The following STK3 variants were observed in gnomAD, a reference collection of about 807,000 sequenced individuals.
The protein encoded by STK3 is serine/threonine-protein kinase 3.
Under a neutral mutation model 58.0 loss-of-function variants are expected in STK3, and 41 were observed. That is an observed-to-expected ratio of 0.71 (90% CI 0.55 to 0.92). The LOEUF (loss-of-function observed/expected upper bound fraction) is 0.92. Ranked by LOEUF, STK3 falls within the 40% of genes least tolerant of loss-of-function variation. The pLI, the probability that STK3 is intolerant of heterozygous loss-of-function variation, is 0.00. For synonymous variants in STK3, 170 were observed against 191.0 expected (o/e 0.89, Z 0.91); for missense variants, 479 against 602.7 (o/e 0.79, Z 2.15).
At chr8:98,690,410 G>C (rs1046355512) in intron 6 of STK3, among the ~76,000 whole-genome samples, 1 of 142,500 alleles carries the variant, frequency 7.0e-6, no homozygotes, top group African/African-American at 2.6e-5. Context: ...TTCAAGCTGA[G>C]AGCCAAGTCA....
At chr8:98,813,331 C>T (rs183337930) in intron 1 of STK3, among the ~76,000 whole-genome samples, 1 of 152,288 alleles carries the variant, frequency 6.6e-6, no homozygotes, top group East Asian at 1.9e-4. Context: ...CACTTTCTAT[C>T]ATTGTTTTGA....
chr8:98,833,217 G>A (rs1366466230), intron 3 of STK3, among the ~76,000 whole-genome samples: 1 of 152,194 alleles, frequency 6.6e-6, no homozygotes, highest in Non-Finnish European at 1.5e-5. Context: ...GGGGGGTGCA[G>A]GGGGAGGGTT....
chr8:98,651,651 C>T (rs1012372613), intron 6 of STK3: 1 of 152,152 alleles, frequency 6.6e-6, no homozygotes, highest in East Asian at 1.9e-4. Context: ...CTTAAAGGAG[C>T]TGATGGAGCT....
At chr8:98,487,245 A>T (rs1487280887) in intron 10 of STK3, among the ~76,000 whole-genome samples, 1 of 152,204 alleles carries the variant, frequency 6.6e-6, no homozygotes, top group Non-Finnish European at 1.5e-5. Flanking sequence ...ACACAGTATA[A>T]AGGAAGGAGA....
intron 1 of STK3, among the ~76,000 whole-genome samples, chr8:98,888,740 A>G (rs1838086485): frequency 6.6e-6 from 1 of 152,246 alleles, no homozygotes; most frequent in East Asian, 1.9e-4. Flanking sequence ...CAAATTAACT[A>G]GAATGTCTCC....
chr8:98,365,456 G>A, the STK3 span, among the ~76,000 whole-genome samples: 1 of 152,164 alleles, frequency 6.6e-6, no homozygotes, highest in East Asian at 1.9e-4. Flanking sequence ...AGAAGAGAGT[G>A]AGACAGAGTG....
At chr8:98,605,308 T>C (rs535010494) in intron 6 of STK3, among the ~76,000 whole-genome samples, 3 of 152,084 alleles carry the variant, frequency 2.0e-5, no homozygotes, top group Non-Finnish European at 2.9e-5. Context: ...GGGTAATTTA[T>C]AAAGAAAAGA....
At position 98,395,684 on chromosome 8, in the gene STK3, A is replaced by G. The variant is rs1221935246; in HGVS notation, n.428-7437T>C. 2.6e-5 allele frequency among the ~76,000 whole-genome samples: 4 copies of G among 152,254 alleles called. No homozygotes were observed. In the East Asian group the frequency reaches 7.7e-4, roughly 29 times the overall value. ...GTTGTTGTTGGATTTGTGGATTCTC[A>G]AAATGCAAATATTTCTATATGCAAA... On this transcript the variant is annotated intron_variant and non_coding_transcript_variant, in intron 3 of 5. Coordinates refer to the STK3 transcript ENST00000649151.
At position 98,429,717 on chromosome 8, in the gene STK3, G is replaced by A. The variant is rs550880840; in HGVS notation, n.483+4410C>T. 13 of 348,786 alleles carry A rather than the reference G, an allele frequency of 3.7e-5. No individual in the cohort carries two copies. In the South Asian group the frequency reaches 7.4e-4, roughly 20 times the overall value. The allele number at this position is 348,786 out of a possible 1,614,324, so 21.6% of individuals were successfully genotyped here. A position where few individuals can be genotyped will look rare whatever the true frequency, so the allele number is the denominator to read the frequency against. ...CAGAATGCTAATTTTTCTGTCCATC[G>A]TGTACGCTATTCTAGTGCTTGTGGC... On this transcript the variant is annotated intron_variant and non_coding_transcript_variant, in intron 3 of 3. Coordinates refer to the STK3 transcript ENST00000517832.
downstream of STK3, chr8:98,883,623 G>T (rs1837877086): frequency 5.7e-6 from 4 of 702,516 alleles, no homozygotes; most frequent in African/African-American, 3.5e-5. Context: ...TCTGAGGAGG[G>T]ACTGCAACCA....
At chr8:98,497,967 C>A (rs1320189969) in intron 10 of STK3, among the ~76,000 whole-genome samples, 1 of 152,120 alleles carries the variant, frequency 6.6e-6, no homozygotes, top group South Asian at 2.1e-4. Context: ...GATGTCCACA[C>A]AAAAACTTGT....
At chr8:98,920,199 G>T (rs144488725) in intron 1 of STK3, among the ~76,000 whole-genome samples, 1 of 152,292 alleles carries the variant, frequency 6.6e-6, no homozygotes, top group Non-Finnish European at 1.5e-5. Context: ...AACTGAAATT[G>T]CTTAAGAAAC....
intron 1 of STK3, among the ~76,000 whole-genome samples, chr8:98,793,476 C>T (rs1044755915): frequency 6.6e-6 from 1 of 152,020 alleles, no homozygotes; most frequent in Non-Finnish European, 1.5e-5. Context: ...AGGTTGGAGC[C>T]GAAATTGTAC....
At chr8:98,872,186 G>T (rs1159280493) in intron 3 of STK3, among the ~76,000 whole-genome samples, 2 of 152,132 alleles carry the variant, frequency 1.3e-5, no homozygotes, top group Non-Finnish European at 2.9e-5. Context: ...CATCCCAGGG[G>T]TGAAGCCAAG....
At chr8:98,695,999 T>C (rs1824882752) in intron 6 of STK3, among the ~76,000 whole-genome samples, 1 of 152,134 alleles carries the variant, frequency 6.6e-6, no homozygotes, top group African/African-American at 2.4e-5. Context: ...CCCATGAGCA[T>C]GGAATGTTCT....
downstream of STK3, among the ~76,000 whole-genome samples, chr8:98,400,242 C>A (rs1563592699): frequency 1.3e-5 from 2 of 152,150 alleles, no homozygotes; most frequent in Admixed American, 1.3e-4. Context: ...TACTGAAGTC[C>A]AAGTCCAGGG....
chr8:98,911,193 T>C (rs1839116977), intron 1 of STK3, among the ~76,000 whole-genome samples: 1 of 152,194 alleles, frequency 6.6e-6, no homozygotes, highest in African/African-American at 2.4e-5. Context: ...GATTGGTCGT[T>C]CTCAACAAAT....
intron 2 of STK3, among the ~76,000 whole-genome samples, chr8:98,375,863 TTATTA>T (rs1817669198): frequency 6.6e-6 from 1 of 152,230 alleles, no homozygotes; most frequent in Non-Finnish European, 1.5e-5. Flanking sequence ...ATAAAGGTAC[TTATTA>T]TATGATATTA....
intron 6 of STK3, among the ~76,000 whole-genome samples, chr8:98,602,971 T>G (rs972121519): frequency 4.0e-5 from 6 of 151,818 alleles, no homozygotes; most frequent in Admixed American, 1.3e-4. Flanking sequence ...ACCAAGATCT[T>G]GGCTTCTAAA....
Sources: allele counts gnomAD v4.1 joint callset (sites outside exome capture counted in the v4.1 genomes callset), GRCh38; gene constraint gnomAD v4.1.1; transcripts MANE v1.5; gene names NCBI Gene and HGNC (gene_info 2026-07-23, HGNC 2026-07-21).